The following RELN variants were observed in gnomAD, a reference collection of about 807,000 sequenced individuals.
The protein encoded by RELN is reelin.
Under a neutral mutation model 427.6 loss-of-function variants are expected in RELN, and 108 were observed. The observed-to-expected ratio is 0.25, with a 90% CI of 0.22 to 0.30. The LOEUF (loss-of-function observed/expected upper bound fraction) is 0.30. Ranked by LOEUF, RELN falls within the 10% of genes least tolerant of loss-of-function variation. RELN has a pLI of 1.00. For missense variants in RELN, 3,715 were observed against 4,302.8 expected (o/e 0.86, Z 3.82); for synonymous variants, 1,524 against 1,513.4 (o/e 1.01, Z -0.16).
chr7:103,872,883 T>C (rs909640476), intron 2 of RELN, among the ~76,000 whole-genome samples: 1 of 151,470 alleles, frequency 6.6e-6, no homozygotes, highest in African/African-American at 2.4e-5. Flanking sequence ...TGTCTGTTCA[T>C]GTCCTTCGCC....
At chr7:103,938,400 A>G (rs1165814400) in intron 1 of RELN, among the ~76,000 whole-genome samples, 1 of 152,242 alleles carries the variant, frequency 6.6e-6, no homozygotes, top group Admixed American at 6.5e-5. Context: ...CTGAGAAACA[A>G]CCTTAATATC....
intron 12 of RELN, among the ~76,000 whole-genome samples, chr7:103,658,728 G>A (rs1186286784): frequency 6.6e-6 from 1 of 151,176 alleles, no homozygotes; most frequent in Non-Finnish European, 1.5e-5. Context: ...ATTATACTTG[G>A]GCTTTCCAGG....
chr7:103,932,808 G>A (rs1795894149), intron 1 of RELN, among the ~76,000 whole-genome samples: 1 of 152,164 alleles, frequency 6.6e-6, no homozygotes, highest in Non-Finnish European at 1.5e-5. Flanking sequence ...TTACTTGAAG[G>A]TCAAGGTGAT....
intron 47 of RELN, among the ~76,000 whole-genome samples, chr7:103,522,496 G>A (rs1344156018): frequency 6.6e-6 from 1 of 152,174 alleles, no homozygotes; most frequent in Non-Finnish European, 1.5e-5. Context: ...GCTCTGAAGG[G>A]CTGATAAACA....
chr7:103,884,732 G>C (rs1794684745), intron 2 of RELN, among the ~76,000 whole-genome samples: 1 of 152,172 alleles, frequency 6.6e-6, no homozygotes, highest in Admixed American at 6.5e-5. Flanking sequence ...ACCACAATGA[G>C]ATGTCATCTC....
intron 31 of RELN, among the ~76,000 whole-genome samples, chr7:103,567,890 G>A (rs533384789): frequency 5.5e-4 from 83 of 151,762 alleles, no homozygotes; most frequent in Non-Finnish European, 9.7e-4. Flanking sequence ...TTTCCTCCCC[G>A]GGCTCAAGTG....
chr7:103,483,025 T>C, intron 62 of RELN, 54 bp from the exon 63 acceptor site: 1 of 1,441,676 alleles, frequency 6.9e-7, no homozygotes, highest in Non-Finnish European at 9.8e-7. Context: ...CAGAACTTTT[T>C]GGTATTTGAC....
chr7:103,978,714 T>C (rs1796931156), intron 1 of RELN, among the ~76,000 whole-genome samples: 1 of 152,252 alleles, frequency 6.6e-6, no homozygotes, highest in Non-Finnish European at 1.5e-5. Context: ...TCATTAGTGA[T>C]ACCAATTCTG....
intron 4 of RELN, among the ~76,000 whole-genome samples, chr7:103,766,603 A>G (rs1438066376): frequency 6.6e-6 from 1 of 152,208 alleles, no homozygotes; most frequent in Non-Finnish European, 1.5e-5. Flanking sequence ...CACATTCTGG[A>G]CTTCTTGTTA....
Position 103,909,711 on chromosome 7 carries a change from A to AAT in RELN, c.337+7362_337+7363dup, listed in dbSNP as rs1194032644. On this transcript the variant is annotated intron_variant, in intron 2 of 64. Coordinates refer to ENST00000428762, the MANE Select transcript of RELN (RefSeq NM_005045.4). ...TAAATATATATATTTAATATATATA[A>AAT]ATATATATTAAATATATTTTTTAAT... 3.4e-3 allele frequency among the ~76,000 whole-genome samples: 119 copies of AAT among 34,986 alleles called. 10 individuals carry two copies. The highest frequency in any genetic ancestry group is 0.016 in the African/African-American group (103 of 6,528). The allele number at this position is 34,986 out of a possible 152,430, so 23.0% of individuals were successfully genotyped here.
intron 11 of RELN, among the ~76,000 whole-genome samples, chr7:103,670,893 C>T (rs113474359): frequency 2.6e-5 from 4 of 151,868 alleles, no homozygotes; most frequent in Non-Finnish European, 5.9e-5. Flanking sequence ...TTTATATTAT[C>T]CAGAACATAT....
At chr7:103,847,628 G>A (rs1398070530) in intron 2 of RELN, among the ~76,000 whole-genome samples, 2 of 152,146 alleles carry the variant, frequency 1.3e-5, no homozygotes, top group Admixed American at 6.6e-5. Flanking sequence ...TTCTTTGGCA[G>A]AGAGAAGAGA....
At chr7:103,957,198 T>A (rs527312171) in intron 1 of RELN, among the ~76,000 whole-genome samples, 1 of 84,332 alleles carries the variant, frequency 1.2e-5, no homozygotes, top group South Asian at 3.1e-4. Context: ...TACACTAACA[T>A]CTGTCTCAAG....
chr7:103,876,152 T>C (rs368162183), intron 2 of RELN, among the ~76,000 whole-genome samples: 1 of 152,212 alleles, frequency 6.6e-6, no homozygotes, highest in African/African-American at 2.4e-5. Flanking sequence ...TCATTACTGA[T>C]ACTTTTTTTA....
intron 20 of RELN, 74 bp from the exon 21 acceptor site, chr7:103,611,877 A>G: frequency 8.9e-7 from 1 of 1,121,422 alleles, no homozygotes; most frequent in Non-Finnish European, 1.3e-6. Flanking sequence ...TCTTCACTTC[A>G]CACTATATAC....
intron 6 of RELN, among the ~76,000 whole-genome samples, chr7:103,729,881 A>G (rs896886236): frequency 1.8e-4 from 27 of 151,920 alleles, no homozygotes; most frequent in African/African-American, 5.1e-4. Flanking sequence ...ATGGATTTCC[A>G]CCATTTTCCT....
Position 103,695,905 on chromosome 7 carries a change from A to G in RELN, c.1143+1948T>C, listed in dbSNP as rs552703494. Among the ~76,000 whole-genome samples the G allele has an allele frequency of 2.0e-5, 3 of 152,274 alleles. No individual in the cohort carries two copies. The South Asian group carries it at 6.2e-4, about 32-fold the overall frequency. On this transcript the variant is annotated intron_variant, in intron 10 of 64. Transcript: ENST00000428762. ...TCAGACTCAATCAGAATAAATTTCCATAAGGTTTACTGCTTGTATTGAGCA... is the reference window on the plus strand; with the variant it reads ...TCAGACTCAATCAGAATAAATTTCCGTAAGGTTTACTGCTTGTATTGAGCA...
At position 103,472,792 on chromosome 7, in the gene RELN, A is replaced by C; in HGVS notation, c.*20T>G. On this transcript the variant is annotated 3_prime_UTR_variant, in exon 65 of 65. Coordinates refer to ENST00000428762, the MANE Select transcript of RELN (RefSeq NM_005045.4). ...CAACACATCACATGTTGGAAGAAAA[A>C]AAATAAACTTTTTGATTCTTCATGG... The C allele has an allele frequency of 6.3e-7, 1 of 1,590,518 alleles. No homozygotes were observed. Among genetic ancestry groups the C allele is most frequent in the Non-Finnish European group, 8.6e-7 (1 of 1,158,550 alleles).
chr7:103,538,318 T>C (rs1371664790), intron 45 of RELN, among the ~76,000 whole-genome samples: 1 of 150,676 alleles, frequency 6.6e-6, no homozygotes, highest in African/African-American at 2.5e-5. Context: ...TTTTTGTCTG[T>C]TGGAAGAAGA....
Sources: allele counts gnomAD v4.1 joint callset (sites outside exome capture counted in the v4.1 genomes callset), GRCh38; gene constraint gnomAD v4.1.1; transcripts MANE v1.5; gene names NCBI Gene and HGNC (gene_info 2026-07-23, HGNC 2026-07-21).